The following TANC2 variants were observed in gnomAD, a reference collection of about 807,000 sequenced individuals.
The protein encoded by TANC2 is tetratricopeptide repeat, ankyrin repeat and coiled-coil containing 2, also known as protein TANC2.
A neutral mutation model predicts 210.5 loss-of-function variants in TANC2; 26 were observed. The observed-to-expected ratio is 0.12, with a 90% CI of 0.09 to 0.17. TANC2 has a LOEUF of 0.17. Ranked by LOEUF, TANC2 falls within the 10% of genes least tolerant of loss-of-function variation. The pLI, the probability that TANC2 is intolerant of heterozygous loss-of-function variation, is 1.00. For synonymous variants in TANC2, 931 were observed against 967.1 expected, an observed-to-expected ratio of 0.96 and a Z score of 0.69; for missense variants, 2,129 against 2,608.9, an observed-to-expected ratio of 0.82 and a Z score of 4.01.
intron 8 of TANC2, among the ~76,000 whole-genome samples, chr17:63,249,752 A>T (rs1194400058): frequency 1.3e-5 from 2 of 152,200 alleles, no homozygotes; most frequent in African/African-American, 2.4e-5. Context: ...CGTTGGCTTT[A>T]TGTATCAAGG....
intron 14 of TANC2, among the ~76,000 whole-genome samples, chr17:63,362,152 T>C (rs964839132): frequency 6.6e-6 from 1 of 152,220 alleles, no homozygotes; most frequent in Non-Finnish European, 1.5e-5. Flanking sequence ...GTAGCTCCTA[T>C]CTACAGGCAG....
chr17:63,404,644 A>T (rs2048443909), intron 19 of TANC2, among the ~76,000 whole-genome samples: 1 of 152,228 alleles, frequency 6.6e-6, no homozygotes, highest in Non-Finnish European at 1.5e-5. Flanking sequence ...TGCAATTCCT[A>T]ACTTTGGTTC....
intron 26 of TANC2, among the ~76,000 whole-genome samples, chr17:63,416,259 T>A (rs2048858163): frequency 6.6e-6 from 1 of 152,150 alleles, no homozygotes; most frequent in South Asian, 2.1e-4. Flanking sequence ...CCTGCCTACC[T>A]TGCAGACCCA....
chr17:63,344,162 A>G (rs374730838), intron 12 of TANC2, among the ~76,000 whole-genome samples: 41 of 152,278 alleles, frequency 2.7e-4, no homozygotes, highest in African/African-American at 9.1e-4. Context: ...CACGAACTCT[A>G]TTGTGAACTA....
intron 5 of TANC2, among the ~76,000 whole-genome samples, chr17:63,159,941 A>T (rs2039968973): frequency 6.6e-6 from 1 of 152,214 alleles, no homozygotes; most frequent in Non-Finnish European, 1.5e-5. Flanking sequence ...GAAGTTCAAG[A>T]TCAAGGTTCT....
intron 5 of TANC2, among the ~76,000 whole-genome samples, chr17:63,185,021 G>A (rs1598556846): frequency 6.6e-6 from 1 of 151,106 alleles, no homozygotes; most frequent in Admixed American, 6.6e-5. Context: ...GTGAGACAGG[G>A]TCTCACTCTG....
chr17:63,159,061 G>A (rs1327274237), intron 5 of TANC2, among the ~76,000 whole-genome samples: 1 of 152,148 alleles, frequency 6.6e-6, no homozygotes, highest in East Asian at 1.9e-4. Context: ...GCAAGCAAGA[G>A]GTAGAAAGGG....
rs1000169077 is a variant in TANC2, at chr17:63,333,808, AGT to A, written c.1576-6292_1576-6291del. Among the ~76,000 whole-genome samples, 148 of 152,316 alleles carry A rather than the reference AGT, an allele frequency of 9.7e-4. 1 individual carries two copies. The highest frequency in any genetic ancestry group is 3.5e-3 in the African/African-American group (146 of 41,558). ...TCCTTCAGCAATCACCACCCTAATC[AGT>A]CAGCAGCCATCAACATCGAGGGAAG... is the stretch of plus-strand genomic sequence containing the variant. On this transcript the variant is annotated intron_variant, in intron 11 of 27. Transcript: ENST00000689528.
At chr17:63,118,409 T>C (rs1354072712) in intron 4 of TANC2, among the ~76,000 whole-genome samples, 1 of 152,242 alleles carries the variant, frequency 6.6e-6, no homozygotes, top group Admixed American at 6.5e-5. Flanking sequence ...TATACTGACT[T>C]TTCTTAAAAG....
intron 11 of TANC2, chr17:63,332,150 G>C: frequency 2.9e-6 from 1 of 347,970 alleles, no homozygotes. Flanking sequence ...GCTTCTTTAA[G>C]ATCAACTTCA....
intron 9 of TANC2, among the ~76,000 whole-genome samples, chr17:63,291,474 C>T (rs2044381129): frequency 6.6e-6 from 1 of 152,138 alleles, no homozygotes; most frequent in South Asian, 2.1e-4. Flanking sequence ...CTGGAATGTA[C>T]ATACCCTCTG....
intron 8 of TANC2, among the ~76,000 whole-genome samples, chr17:63,255,388 G>A (rs1022138952): frequency 1.8e-4 from 27 of 152,092 alleles, no homozygotes; most frequent in African/African-American, 6.3e-4. Context: ...CACCGCGCCC[G>A]GCCGGCAGTA....
rs188210200 is a variant in TANC2, at chr17:62,982,256, A to G, written c.-24+15507A>G. Reference sequence around the variant, plus strand: ...TAATCAGAGCTCACCATGAATAACAAAGACACTCAGGAAATTCCCAGGATT... The same window carrying G: ...TAATCAGAGCTCACCATGAATAACAGAGACACTCAGGAAATTCCCAGGATT... On this transcript the variant is annotated intron_variant, in intron 1 of 27. Transcript: ENST00000689528. 7.8e-4 allele frequency among the ~76,000 whole-genome samples: 119 copies of G among 152,258 alleles called. 2 individuals carry two copies. Among genetic ancestry groups the G allele is most frequent in the African/African-American group, 2.7e-3 (112 of 41,544 alleles).
At position 63,222,720 on chromosome 17, in the gene TANC2, A is replaced by AACACAC. The variant is rs58881477; in HGVS notation, c.770-15070_770-15065dup. ...AATTATACCTTAATAAAACTGATTA[A>AACACAC]ACACACACACACACACACACACACA... is the stretch of plus-strand genomic sequence containing the variant. On this transcript the variant is annotated intron_variant, in intron 7 of 27. Transcript: ENST00000689528. Among the ~76,000 whole-genome samples, 787 of 148,962 alleles carry AACACAC rather than the reference A, an allele frequency of 5.3e-3. 11 individuals carry two copies. Among genetic ancestry groups the AACACAC allele is most frequent in the African/African-American group, 0.017 (675 of 40,540 alleles).
At chr17:63,278,266 A>G (rs936506736) in intron 9 of TANC2, among the ~76,000 whole-genome samples, 18 of 152,074 alleles carry the variant, frequency 1.2e-4, no homozygotes, top group Non-Finnish European at 2.4e-4. Flanking sequence ...TATATAAGAA[A>G]CTCCTACAAC....
intron 1 of TANC2, among the ~76,000 whole-genome samples, chr17:62,974,538 TATTC>T (rs2031892531): frequency 6.7e-6 from 1 of 148,744 alleles, no homozygotes; most frequent in African/African-American, 2.6e-5. Flanking sequence ...TGTATTAACA[TATTC>T]ATTCATTTAA....
At chr17:63,179,140 TA>T (rs1453958719) in intron 5 of TANC2, among the ~76,000 whole-genome samples, 1 of 152,244 alleles carries the variant, frequency 6.6e-6, no homozygotes, top group African/African-American at 2.4e-5. Context: ...AATTAAACTT[TA>T]TTTTTTTATT....
intron 8 of TANC2, among the ~76,000 whole-genome samples, chr17:63,266,917 A>G (rs2146264716): frequency 6.6e-6 from 1 of 152,200 alleles, no homozygotes; most frequent in African/African-American, 2.4e-5. Flanking sequence ...TGGCATGATC[A>G]TGGCTGGCTG....
At chr17:63,306,604 ATAAT>A (rs2044915040) in intron 9 of TANC2, among the ~76,000 whole-genome samples, 1 of 152,210 alleles carries the variant, frequency 6.6e-6, no homozygotes, top group Non-Finnish European at 1.5e-5. Flanking sequence ...AGAACATAAA[ATAAT>A]TAGTATTTAT....
Sources: allele counts gnomAD v4.1 joint callset (sites outside exome capture counted in the v4.1 genomes callset), GRCh38; gene constraint gnomAD v4.1.1; transcripts MANE v1.5; gene names NCBI Gene and HGNC (gene_info 2026-07-23, HGNC 2026-07-21).